Variants in ATP7A observed in about 807,000 individuals in gnomAD.
ATP7A encodes ATPase copper transporting alpha.
In ATP7A, 7 loss-of-function variants were observed where a neutral mutation model predicts 83.5. The observed-to-expected ratio is 0.08, with a 90% CI of 0.05 to 0.16. The LOEUF is 0.16. Among genes scored for constraint, ATP7A ranks in the 10% least tolerant of loss-of-function variants. The pLI is 1.00. For missense variants in ATP7A, 940 were observed against 1,120.8 expected (o/e 0.84, Z 2.30); for synonymous variants, 354 against 395.2 (o/e 0.90, Z 1.24).
chrX:77,927,779 TC>T (rs1346750752), intron 1 of ATP7A, among the ~76,000 whole-genome samples: 9 of 110,425 alleles, frequency 8.2e-5, no homozygotes, highest in Non-Finnish European at 1.7e-4. Context: ...ATGCTATCCC[TC>T]CCCCCATCCC....
chrX:78,043,285 C>T (rs1342430959), intron 20 of ATP7A, 32 bp from the exon 21 acceptor site: 2 of 1,055,939 alleles, frequency 1.9e-6, no homozygotes. Context: ...GTTAGAGTCT[C>T]TTACTAATAT....
intron 1 of ATP7A, among the ~76,000 whole-genome samples, chrX:77,956,857 G>A (rs1410466540): frequency 3.9e-5 from 4 of 102,688 alleles, no homozygotes; most frequent in Non-Finnish European, 5.9e-5. Flanking sequence ...GAGTGCAGTG[G>A]CCCAGTCACA....
intron 15 of ATP7A, 143 bp downstream of exon 15, chrX:78,029,587 G>T: frequency 1.5e-6 from 1 of 654,776 alleles, no homozygotes; most frequent in Non-Finnish European, 2.3e-6. Flanking sequence ...TTTGAGGTAG[G>T]AAAGGTGTTA....
In ATP7A at chrX:77,971,724, A is replaced by T. The variant is rs782146244; in HGVS notation, c.83A>T (p.Gln28Leu). ...AATTCCTGTGTTTGGACCATTGAGC[A>T]GCAGATTGGAAAAGTGAATGGTGTG... ...TCNSCVWTIE[Q>L]QIGKVNGVHH... Residue 28 changes from glutamine (Q) to leucine (L), a missense_variant, in exon 2 of 23, where the codon CAG becomes CTG. Around this residue, in one of 3 missense-constraint regions of ATP7A, gnomAD observed 350 missense variants for 432.8 expected, o/e 0.81. Coordinates refer to ENST00000341514, the MANE Select transcript of ATP7A (RefSeq NM_000052.7). 8.3e-7 allele frequency: 1 copy of T among 1,211,460 alleles called. No individual in the cohort carries two copies. The highest frequency in any genetic ancestry group is 1.1e-6 in the Non-Finnish European group (1 of 895,157).
chrX:77,934,359 A>G (rs973020300), intron 1 of ATP7A, among the ~76,000 whole-genome samples: 2 of 111,663 alleles, frequency 1.8e-5, no homozygotes, highest in South Asian at 3.8e-4. Context: ...TTGAGGCTGC[A>G]GTGAGCTATG....
intron 6 of ATP7A, among the ~76,000 whole-genome samples, chrX:78,004,958 G>A (rs782424566): frequency 3.8e-4 from 42 of 111,717 alleles, no homozygotes; most frequent in Admixed American, 6.7e-4. Flanking sequence ...GTGTGCATCT[G>A]TAGTCCCAGC....
chrX:78,049,089 CA>C lies in ATP7A; in HGVS notation c.*2521del. On this transcript the variant is annotated 3_prime_UTR_variant, in exon 23 of 23. Coordinates refer to ENST00000341514, the MANE Select transcript of ATP7A (RefSeq NM_000052.7). ...GTAGCCACATTTGAATCCTCTACCA[CA>C]AGTCTTTTTTGCAATCTTGAACTTT... The C allele has an allele frequency of 8.9e-6, 1 of 112,002 alleles. No individual in the cohort carries two copies. The highest frequency in any genetic ancestry group is 3.7e-4 in the South Asian group (1 of 2,709). 9.2% of individuals were successfully genotyped at this position (112,002 alleles called of 1,213,427 possible).
At chrX:77,998,818 A>ATCGGGGTTGTCCC in intron 5 of ATP7A, 134 bp downstream of exon 5, 2 of 691,100 alleles carry the variant, frequency 2.9e-6, no homozygotes, top group Non-Finnish European at 4.5e-6. Context: ...TGTGTGGGAC[A>ATCGGGGTTGTCCC]ACCCCGATGT....
At chrX:78,008,797 G>A (rs1326937321) in intron 6 of ATP7A, among the ~76,000 whole-genome samples, 1 of 110,066 alleles carries the variant, frequency 9.1e-6, no homozygotes, top group Non-Finnish European at 1.9e-5. Context: ...TGGATCACTT[G>A]AGGTCAGGAG....
chrX:77,972,694 G>T (rs1224666501), intron 2 of ATP7A, among the ~76,000 whole-genome samples: 3 of 110,274 alleles, frequency 2.7e-5, no homozygotes, highest in Admixed American at 9.8e-5. Flanking sequence ...AGCGATGGGG[G>T]TCTCACTATG....
chrX:77,989,521 C>G lies in ATP7A; in HGVS notation c.899C>G (p.Ser300Cys), dbSNP rs2077657477. 2 of 1,211,336 alleles carry G rather than the reference C, an allele frequency of 1.7e-6. No individual in the cohort carries two copies. Among genetic ancestry groups the G allele is most frequent in the Admixed American group, 2.2e-5 (1 of 45,996 alleles). ...SCVSNIESTL[S>C]ALQYVSSIVV... is the part of the protein sequence containing the mutation. The stretch of plus-strand genomic sequence containing the variant: ...GTGTCAAATATTGAAAGTACTTTAT[C>G]TGCACTCCAATATGTAAGCAGCATA... Residue 300 changes from serine (S) to cysteine (C), a missense_variant, in exon 4 of 23, where the codon TCT becomes TGT. By Grantham distance (112) the Ser-to-Cys change is moderately radical. This residue lies in a region of ATP7A where 350 missense variants were observed against 432.8 expected (regional missense o/e 0.81). Coordinates refer to ENST00000341514, the MANE Select transcript of ATP7A (RefSeq NM_000052.7).
chrX:77,993,312 A>G (rs1406783105), intron 4 of ATP7A, among the ~76,000 whole-genome samples: 1 of 111,721 alleles, frequency 9.0e-6, no homozygotes, highest in East Asian at 2.8e-4. Flanking sequence ...TGCAACTCAC[A>G]TTTTTGCAAG....
intron 1 of ATP7A, among the ~76,000 whole-genome samples, chrX:77,955,248 G>A (rs1385318643): frequency 9.0e-6 from 1 of 110,952 alleles, no homozygotes; most frequent in Non-Finnish European, 1.9e-5. Context: ...TTAAACCTTT[G>A]TATCCTTTTT....
intron 1 of ATP7A, among the ~76,000 whole-genome samples, chrX:77,928,998 C>T (rs781827079): frequency 1.4e-4 from 16 of 111,211 alleles, no homozygotes; most frequent in South Asian, 1.1e-3. Flanking sequence ...CAGGGGACCA[C>T]GTACAAGGGT....
chrX:77,946,275 G>C (rs978257896), intron 1 of ATP7A, among the ~76,000 whole-genome samples: 1 of 106,704 alleles, frequency 9.4e-6, no homozygotes, highest in Non-Finnish European at 1.9e-5. Flanking sequence ...ACTCCAGCCT[G>C]GGTGACAGGG....
chrX:77,931,494 T>C (rs1366827948), intron 1 of ATP7A, among the ~76,000 whole-genome samples: 26 of 112,535 alleles, frequency 2.3e-4, no homozygotes, highest in South Asian at 7.2e-4. Context: ...AAAACCGCCA[T>C]TGTCATCCCG....
chrX:77,994,008 G>T (rs1261036182), intron 4 of ATP7A, among the ~76,000 whole-genome samples: 2 of 111,180 alleles, frequency 1.8e-5, no homozygotes, highest in Non-Finnish European at 3.8e-5. Flanking sequence ...AGGAGAAACT[G>T]CCCATTTTTG....
chrX:77,947,737 A>ATTT (rs782600933), intron 1 of ATP7A, among the ~76,000 whole-genome samples: 45 of 61,716 alleles, frequency 7.3e-4, no homozygotes, highest in African/African-American at 2.5e-3. Flanking sequence ...TGCCTGGCCA[A>ATTT]TTTTTTTTTT....
chrX:77,916,943 A>G (rs1357905766), intron 1 of ATP7A, among the ~76,000 whole-genome samples: 1 of 111,379 alleles, frequency 9.0e-6, no homozygotes, highest in Non-Finnish European at 1.9e-5. Context: ...GAAAGTGGCT[A>G]GGAGTATTTG....
Sources: gnomAD v4.1 joint callset for allele counts (sites outside exome capture counted in the v4.1 genomes callset) on GRCh38, gnomAD v4.1.1 for gene constraint, gnomAD v4.1.1 regional missense constraint, MANE v1.5 for transcripts, NCBI Gene and HGNC (gene_info 2026-07-23, HGNC 2026-07-21) for gene names.